The following NBEA variants were observed in gnomAD, a reference collection of about 807,000 sequenced individuals.
NBEA encodes the protein neurobeachin, also known as lysosomal-trafficking regulator 2.
A neutral mutation model predicts 343.4 loss-of-function variants in NBEA; 44 were observed. The ratio of observed to expected loss-of-function variants is 0.13; its 90% CI spans 0.10 to 0.16. NBEA has a LOEUF of 0.16. Ranked by LOEUF, NBEA falls within the 10% of genes least tolerant of loss-of-function variation. The pLI is 1.00. For synonymous variants in NBEA, 1,175 were observed against 1,238.7 expected (o/e 0.95, Z 1.08); for missense variants, 2,555 against 3,631.3 (o/e 0.70, Z 7.62).
chr13:35,007,740 G>A (rs901997522), intron 1 of NBEA, among the ~76,000 whole-genome samples: 2 of 152,116 alleles, frequency 1.3e-5, no homozygotes, highest in African/African-American at 4.8e-5. Flanking sequence ...CAATTTGCCC[G>A]CATTGGCCTC....
At chr13:34,990,381 C>G (rs2060709150) in intron 1 of NBEA, among the ~76,000 whole-genome samples, 2 of 151,258 alleles carry the variant, frequency 1.3e-5, no homozygotes, top group African/African-American at 4.8e-5. Flanking sequence ...AGCCTTAACT[C>G]TTGCCCTCTA....
chr13:35,191,105 A>T (rs950166744), intron 30 of NBEA, among the ~76,000 whole-genome samples: 2 of 151,938 alleles, frequency 1.3e-5, no homozygotes, highest in African/African-American at 4.8e-5. Context: ...GGAACAGAAC[A>T]AAGAAAGAAT....
intron 1 of NBEA, among the ~76,000 whole-genome samples, chr13:34,986,421 C>G (rs948366942): frequency 1.3e-5 from 2 of 150,832 alleles, no homozygotes; most frequent in Non-Finnish European, 3.0e-5. Context: ...GATTTCTGTT[C>G]TTTTACATTT....
intron 38 of NBEA, among the ~76,000 whole-genome samples, chr13:35,407,203 G>A (rs1043992242): frequency 6.6e-6 from 1 of 151,422 alleles, no homozygotes; most frequent in African/African-American, 2.4e-5. Context: ...GACCTCCAGG[G>A]ATCCACCTGC....
chr13:35,061,187 T>C (rs2063454535), intron 8 of NBEA, among the ~76,000 whole-genome samples: 1 of 151,716 alleles, frequency 6.6e-6, no homozygotes. Context: ...TAGGTAATTT[T>C]TGTTCTGTCG....
At chr13:35,034,704 T>G (rs1475219879) in intron 1 of NBEA, among the ~76,000 whole-genome samples, 2 of 151,902 alleles carry the variant, frequency 1.3e-5, no homozygotes, top group Admixed American at 1.3e-4. Context: ...AACTTCAGTC[T>G]TGTAGCTTGT....
chr13:35,082,531 C>T (rs1040083155), intron 10 of NBEA, among the ~76,000 whole-genome samples: 15 of 152,168 alleles, frequency 9.9e-5, no homozygotes, highest in African/African-American at 3.1e-4. Flanking sequence ...TACAGTCCCA[C>T]CAACAGTGTA....
chr13:35,307,514 T>A (rs1445126488), intron 35 of NBEA, among the ~76,000 whole-genome samples: 1 of 152,060 alleles, frequency 6.6e-6, no homozygotes, highest in African/African-American at 2.4e-5. Flanking sequence ...TTCTCTTGAT[T>A]TTTTTAGACA....
intron 34 of NBEA, among the ~76,000 whole-genome samples, chr13:35,247,330 A>G (rs1282487848): frequency 2.0e-5 from 3 of 152,096 alleles, no homozygotes; most frequent in South Asian, 2.1e-4. Context: ...AATTGTTACA[A>G]AATTCAGCTG....
chr13:35,608,089 A>C (rs2153052818), intron 48 of NBEA, among the ~76,000 whole-genome samples: 1 of 152,272 alleles, frequency 6.6e-6, no homozygotes, highest in Non-Finnish European at 1.5e-5. Context: ...TTCTGTCTCT[A>C]AGAAATATTT....
intron 1 of NBEA, among the ~76,000 whole-genome samples, chr13:34,958,230 C>T (rs1410025843): frequency 1.3e-5 from 2 of 152,024 alleles, no homozygotes; most frequent in Admixed American, 6.6e-5. Context: ...TAGCATTGTT[C>T]TAACTGAGGT....
intron 34 of NBEA, among the ~76,000 whole-genome samples, chr13:35,265,183 G>C (rs1278422166): frequency 6.6e-6 from 1 of 151,732 alleles, no homozygotes; most frequent in Admixed American, 6.6e-5. Flanking sequence ...TTTAAACAAG[G>C]AAGCTCTCTA....
chr13:35,116,418 T>A (rs1244717122), intron 13 of NBEA, among the ~76,000 whole-genome samples: 6 of 152,152 alleles, frequency 3.9e-5, no homozygotes, highest in Non-Finnish European at 7.4e-5. Context: ...AAAGTTTTTT[T>A]AAAGTAATAC....
intron 30 of NBEA, among the ~76,000 whole-genome samples, chr13:35,189,965 AGCTTTGAAAACCAGAG>A (rs1261187095): frequency 6.6e-6 from 1 of 152,090 alleles, no homozygotes; most frequent in Non-Finnish European, 1.5e-5. Context: ...GCTCTGTGGT[AGCTTTGAAAACCAGAG>A]GCCAGACACC....
chr13:35,494,538 G>A (rs994588244), intron 41 of NBEA, among the ~76,000 whole-genome samples: 7 of 151,816 alleles, frequency 4.6e-5, no homozygotes, highest in South Asian at 2.1e-4. Flanking sequence ...TAGAGCCATC[G>A]CTAATAAAAT....
At chr13:35,161,485 G>T (rs922047804) in intron 22 of NBEA, among the ~76,000 whole-genome samples, 5 of 152,136 alleles carry the variant, frequency 3.3e-5, no homozygotes, top group Non-Finnish European at 5.9e-5. Flanking sequence ...CTGGTTTTCA[G>T]TGTGAACTTT....
chr13:35,419,104 T>C (rs535223326), intron 38 of NBEA, among the ~76,000 whole-genome samples: 5 of 152,194 alleles, frequency 3.3e-5, no homozygotes, highest in African/African-American at 1.2e-4. Flanking sequence ...AATTTTCCAC[T>C]TATGGCATCA....
In NBEA at chr13:35,341,681, C is replaced by T. The variant is rs555740240; in HGVS notation, c.5904-7427C>T. ...AAATCAAAACCACAGTAAGATACCA[C>T]TTCATATTCATTAGAATGGCTATAA... On this transcript the variant is annotated intron_variant, in intron 36 of 58. Coordinates refer to ENST00000379939, the MANE Select transcript of NBEA (RefSeq NM_001385012.1). 2.6e-5 allele frequency among the ~76,000 whole-genome samples: 4 copies of T among 152,118 alleles called. No homozygotes were observed. The East Asian group carries it at 7.8e-4, about 29-fold the overall frequency.
chr13:35,190,854 A>G (rs1306639173), intron 30 of NBEA, among the ~76,000 whole-genome samples: 2 of 152,196 alleles, frequency 1.3e-5, no homozygotes, highest in Non-Finnish European at 2.9e-5. Flanking sequence ...GCTATTTTAC[A>G]TATGCTCAAG....
Sources: allele counts gnomAD v4.1 joint callset (sites outside exome capture counted in the v4.1 genomes callset), GRCh38; gene constraint gnomAD v4.1.1; transcripts MANE v1.5; gene names NCBI Gene and HGNC (gene_info 2026-07-23, HGNC 2026-07-21).